Variants in TMEM132D observed in about 807,000 individuals in gnomAD.
TMEM132D encodes mature OL transmembrane protein.
TMEM132D carries 21 observed loss-of-function variants against 62.3 expected under a neutral mutation model. The ratio of observed to expected loss-of-function variants is 0.34; its 90% CI spans 0.24 to 0.49. TMEM132D has a LOEUF of 0.49. TMEM132D is among the 20% of genes least tolerant of loss of function. The pLI is 0.99. For synonymous variants in TMEM132D, 621 were observed against 575.6 expected (o/e 1.08, Z -1.13); for missense variants, 1,346 against 1,402.8 (o/e 0.96, Z 0.65).
At chr12:129,081,380 C>T (rs928548016) in intron 7 of TMEM132D, among the ~76,000 whole-genome samples, 2 of 152,152 alleles carry the variant, frequency 1.3e-5, no homozygotes, top group African/African-American at 4.8e-5. Flanking sequence ...ATCGCTGCAA[C>T]CTCTGCTTCC....
intron 1 of TMEM132D, chr12:129,852,183 G>A (rs75731181): frequency 6.6e-6 from 1 of 152,352 alleles, no homozygotes; most frequent in African/African-American, 2.4e-5. Flanking sequence ...GGGAGGGGGA[G>A]AGAGGATGCA....
chr12:129,870,507 T>C (rs945182615), intron 1 of TMEM132D, among the ~76,000 whole-genome samples: 2 of 152,166 alleles, frequency 1.3e-5, no homozygotes, highest in Admixed American at 1.3e-4. Context: ...CATCTTAATG[T>C]GTTGAGCATG....
intron 1 of TMEM132D, among the ~76,000 whole-genome samples, chr12:129,818,949 T>C (rs772240402): frequency 7.9e-5 from 12 of 151,708 alleles, no homozygotes; most frequent in Non-Finnish European, 1.5e-4. Context: ...GTGGGAGGAT[T>C]GCTTGAACCC....
At chr12:129,808,077 G>A (rs562183759) in intron 1 of TMEM132D, among the ~76,000 whole-genome samples, 1 of 152,324 alleles carries the variant, frequency 6.6e-6, no homozygotes, top group South Asian at 2.1e-4. Flanking sequence ...CTCAATTTAG[G>A]AAACGGTGAT....
At chr12:129,173,756 A>G (rs1358655946) in intron 5 of TMEM132D, among the ~76,000 whole-genome samples, 1 of 152,100 alleles carries the variant, frequency 6.6e-6, no homozygotes, top group Non-Finnish European at 1.5e-5. Flanking sequence ...TGATAACTTT[A>G]TTTTTGTGAA....
intron 4 of TMEM132D, among the ~76,000 whole-genome samples, chr12:129,306,228 T>C (rs946617311): frequency 1.1e-4 from 16 of 152,222 alleles, no homozygotes; most frequent in Admixed American, 9.2e-4. Flanking sequence ...TAGTTATGTC[T>C]ATTTTCACAA....
At chr12:129,636,884 G>C (rs1415912990) in intron 2 of TMEM132D, among the ~76,000 whole-genome samples, 1 of 151,942 alleles carries the variant, frequency 6.6e-6, no homozygotes, top group Non-Finnish European at 1.5e-5. Flanking sequence ...CAAGATTTAG[G>C]ACTAATGTGG....
intron 1 of TMEM132D, among the ~76,000 whole-genome samples, chr12:129,890,960 C>T (rs543299193): frequency 2.0e-5 from 3 of 152,186 alleles, no homozygotes; most frequent in South Asian, 2.1e-4. Context: ...AGGGGCCTCC[C>T]GAATTCCATG....
intron 3 of TMEM132D, among the ~76,000 whole-genome samples, chr12:129,484,945 T>C (rs1307695211): frequency 6.6e-6 from 1 of 152,230 alleles, no homozygotes; most frequent in African/African-American, 2.4e-5. Context: ...GCCAATGTTT[T>C]AGAGGACTCT....
chr12:129,150,323 TGAC>T (rs1365794442), intron 5 of TMEM132D, among the ~76,000 whole-genome samples: 1 of 152,230 alleles, frequency 6.6e-6, no homozygotes. Flanking sequence ...AACAGGGGGC[TGAC>T]GACAATGCCG....
intron 4 of TMEM132D, among the ~76,000 whole-genome samples, chr12:129,240,896 C>T (rs373840727): frequency 5.3e-5 from 8 of 152,114 alleles, no homozygotes; most frequent in East Asian, 1.9e-4. Context: ...TCCTCAATCT[C>T]CCTGTCCATC....
At chr12:129,104,264 C>T (rs1205832566) in intron 5 of TMEM132D, among the ~76,000 whole-genome samples, 1 of 151,614 alleles carries the variant, frequency 6.6e-6, no homozygotes, top group African/African-American at 2.4e-5. Flanking sequence ...TGATCTTTGA[C>T]AAACCTGACA....
intron 7 of TMEM132D, among the ~76,000 whole-genome samples, chr12:129,079,239 C>T (rs528294807): frequency 6.6e-6 from 1 of 152,306 alleles, no homozygotes; most frequent in South Asian, 2.1e-4. Flanking sequence ...TCCTGCTGGT[C>T]CATCTCAATC....
intron 2 of TMEM132D, among the ~76,000 whole-genome samples, chr12:129,585,672 G>T (rs547154645): frequency 4.6e-5 from 7 of 151,946 alleles, no homozygotes; most frequent in Non-Finnish European, 8.8e-5. Flanking sequence ...AAATGTTCCC[G>T]GAATTCTTTC....
intron 2 of TMEM132D, among the ~76,000 whole-genome samples, chr12:129,627,806 G>A (rs1198221297): frequency 1.3e-5 from 2 of 152,110 alleles, no homozygotes; most frequent in African/African-American, 4.8e-5. Context: ...GGGCAACATG[G>A]CAAAACCTGT....
At position 129,904,021 on chromosome 12, in the gene TMEM132D, G is replaced by T. The variant is rs1875470188; in HGVS notation, c.-682C>A. Among the ~76,000 whole-genome samples the T allele has an allele frequency of 6.6e-6, 1 of 150,416 alleles. No homozygotes were observed. Among genetic ancestry groups the T allele is most frequent in the African/African-American group, 2.4e-5 (1 of 41,318 alleles). On this transcript the variant is annotated 5_prime_UTR_variant, in exon 1 of 9. Coordinates refer to ENST00000422113, the MANE Select transcript of TMEM132D (RefSeq NM_133448.3). ...TCGCGGGGCTCTACGCGCGCCGAGC[G>T]CACTGCAGGCTCCGGAGACGCGGGG...
At chr12:129,727,284 C>T (rs1869069309) in intron 1 of TMEM132D, among the ~76,000 whole-genome samples, 1 of 152,168 alleles carries the variant, frequency 6.6e-6, no homozygotes, top group Non-Finnish European at 1.5e-5. Flanking sequence ...TGGCATCCTG[C>T]CAGGATCTCT....
intron 1 of TMEM132D, among the ~76,000 whole-genome samples, chr12:129,835,958 C>G (rs1872990953): frequency 6.6e-6 from 1 of 152,254 alleles, no homozygotes; most frequent in Non-Finnish European, 1.5e-5. Flanking sequence ...TTCCATCAGC[C>G]TGTTCCCTGA....
intron 2 of TMEM132D, among the ~76,000 whole-genome samples, chr12:129,603,434 C>T (rs775955702): frequency 2.6e-5 from 4 of 152,156 alleles, no homozygotes; most frequent in Non-Finnish European, 5.9e-5. Flanking sequence ...TCCCTTGGTA[C>T]ATTTTTTCTT....
Sources: allele counts gnomAD v4.1 joint callset (sites outside exome capture counted in the v4.1 genomes callset), GRCh38; gene constraint gnomAD v4.1.1; transcripts MANE v1.5; gene names NCBI Gene and HGNC (gene_info 2026-07-23, HGNC 2026-07-21).